Variants in UNC5D observed in about 807,000 individuals in gnomAD.
UNC5D encodes unc-5 netrin receptor D, also known as netrin receptor UNC5D.
A neutral mutation model predicts 105.4 loss-of-function variants in UNC5D; 39 were observed. The observed-to-expected ratio is 0.37, with a 90% CI of 0.29 to 0.48. The LOEUF (loss-of-function observed/expected upper bound fraction) is 0.48, where lower values mean the gene tolerates loss of function less well. UNC5D is among the 20% of genes least tolerant of loss of function. The probability of loss-of-function intolerance (pLI) is 0.98; values close to 1 mark genes in which losing one functional copy is unlikely to be tolerated. For missense variants in UNC5D, 991 were observed against 1,202.4 expected (o/e 0.82, Z 2.60); for synonymous variants, 452 against 450.4 (o/e 1.00, Z -0.04).
At chr8:35,484,520 C>T (rs527372544) in intron 1 of UNC5D, among the ~76,000 whole-genome samples, 1 of 152,242 alleles carries the variant, frequency 6.6e-6, no homozygotes, top group South Asian at 2.1e-4. Context: ...TGAAAGTGAT[C>T]TTCTTAGAAG....
chr8:35,461,293 T>C lies in UNC5D; in HGVS notation c.104-87999T>C, dbSNP rs149671176. Among the ~76,000 whole-genome samples, 515 of 152,326 alleles carry C rather than the reference T, an allele frequency of 3.4e-3. 3 individuals carry two copies. The highest frequency in any genetic ancestry group is 5.9e-3 in the Non-Finnish European group (403 of 68,028). On this transcript the variant is annotated intron_variant, in intron 1 of 16. Coordinates refer to ENST00000404895, the MANE Select transcript of UNC5D (RefSeq NM_080872.4). Reference sequence around the variant, plus strand: ...TTCTGTTGATGAGCTGGGGGCCTTTTTATGCTTGAACTCCCTATCTGGCTT... The same window carrying C: ...TTCTGTTGATGAGCTGGGGGCCTTTCTATGCTTGAACTCCCTATCTGGCTT...
chr8:35,338,421 CAA>C (rs1222591574), intron 1 of UNC5D, among the ~76,000 whole-genome samples: 3 of 151,936 alleles, frequency 2.0e-5, no homozygotes, highest in Non-Finnish European at 4.4e-5. Context: ...GTGTGTAAAA[CAA>C]GAGAAGCCAG....
At chr8:35,496,672 T>G (rs1238064010) in intron 1 of UNC5D, among the ~76,000 whole-genome samples, 1 of 152,200 alleles carries the variant, frequency 6.6e-6, no homozygotes, top group East Asian at 1.9e-4. Context: ...CACTTTTAAG[T>G]GTACAACTCA....
intron 1 of UNC5D, among the ~76,000 whole-genome samples, chr8:35,376,041 A>G (rs1456659702): frequency 6.6e-6 from 1 of 152,098 alleles, no homozygotes; most frequent in Admixed American, 6.5e-5. Flanking sequence ...TACTTGTATT[A>G]TGTGTTTTTT....
chr8:35,278,442 G>A (rs1474687236), intron 1 of UNC5D, among the ~76,000 whole-genome samples: 3 of 152,078 alleles, frequency 2.0e-5, no homozygotes, highest in Non-Finnish European at 4.4e-5. Context: ...AAAAATATAA[G>A]CAGATTATTC....
intron 1 of UNC5D, among the ~76,000 whole-genome samples, chr8:35,256,878 A>G (rs1804109609): frequency 6.6e-6 from 1 of 150,982 alleles, no homozygotes; most frequent in Non-Finnish European, 1.5e-5. Flanking sequence ...TAGCCACTAG[A>G]TACGGTAGGG....
chr8:35,328,051 G>T (rs1384171701), intron 1 of UNC5D, among the ~76,000 whole-genome samples: 1 of 151,966 alleles, frequency 6.6e-6, no homozygotes, highest in Non-Finnish European at 1.5e-5. Context: ...TGTGTTTTTT[G>T]TTTGTTTGTT....
intron 3 of UNC5D, among the ~76,000 whole-genome samples, chr8:35,594,634 T>C (rs897839146): frequency 6.6e-6 from 1 of 152,196 alleles, no homozygotes; most frequent in East Asian, 1.9e-4. Flanking sequence ...TCATGACACC[T>C]CGAGAGAAGT....
chr8:35,323,613 T>C (rs532531805), intron 1 of UNC5D, among the ~76,000 whole-genome samples: 4 of 152,320 alleles, frequency 2.6e-5, no homozygotes, highest in African/African-American at 9.6e-5. Context: ...ATGTCATTTA[T>C]AGTGTGTGAA....
intron 1 of UNC5D, among the ~76,000 whole-genome samples, chr8:35,311,330 A>G (rs2128878619): frequency 6.6e-6 from 1 of 152,214 alleles, no homozygotes; most frequent in Non-Finnish European, 1.5e-5. Context: ...GTTTTTTTTC[A>G]GAGGAGCGAT....
chr8:35,555,875 G>GCACACA (rs56788274), intron 2 of UNC5D, among the ~76,000 whole-genome samples: 48 of 134,228 alleles, frequency 3.6e-4, no homozygotes, highest in Middle Eastern at 3.8e-3. Flanking sequence ...TAAAAAAACA[G>GCACACA]CACACACACA....
chr8:35,593,042 T>G (rs915193840), intron 3 of UNC5D, among the ~76,000 whole-genome samples: 6 of 137,728 alleles, frequency 4.4e-5, no homozygotes, highest in Non-Finnish European at 1.5e-5. Context: ...GTCAGTAGTT[T>G]TTATACACAC....
At chr8:35,263,379 T>C (rs2950903) in intron 1 of UNC5D, among the ~76,000 whole-genome samples, 54,142 of 152,118 alleles carry the variant, frequency 0.36, 10,714 homozygotes, top group Non-Finnish European at 0.43. Context: ...ACATGATACT[T>C]AATAAATTGT....
intron 1 of UNC5D, among the ~76,000 whole-genome samples, chr8:35,487,367 ATCC>A (rs1810889589): frequency 6.6e-6 from 1 of 152,128 alleles, no homozygotes; most frequent in Non-Finnish European, 1.5e-5. Flanking sequence ...AAAGGACCTC[ATCC>A]AATCAGTTGG....
intron 1 of UNC5D, among the ~76,000 whole-genome samples, chr8:35,269,407 A>G (rs2128831699): frequency 6.6e-6 from 1 of 152,196 alleles, no homozygotes; most frequent in South Asian, 2.1e-4. Flanking sequence ...TCATTCTTTG[A>G]GATCCAGTTC....
At chr8:35,581,022 G>T (rs540573577) in intron 3 of UNC5D, among the ~76,000 whole-genome samples, 1 of 152,146 alleles carries the variant, frequency 6.6e-6, no homozygotes, top group Admixed American at 6.6e-5. Context: ...AGTGACTCCT[G>T]ATACCGGCCA....
At chr8:35,667,966 A>G (rs7016475) in intron 4 of UNC5D, among the ~76,000 whole-genome samples, 27,293 of 152,118 alleles carry the variant, frequency 0.18, 5,553 homozygotes, top group African/African-American at 0.5. Flanking sequence ...TACTGGAGTC[A>G]GTGGAATTTT....
intron 1 of UNC5D, among the ~76,000 whole-genome samples, chr8:35,490,053 G>A (rs1027252455): frequency 6.6e-6 from 1 of 152,166 alleles, no homozygotes; most frequent in Non-Finnish European, 1.5e-5. Context: ...CAGAGGAAAG[G>A]ATACATTATG....
chr8:35,274,103 T>C (rs1326602622), intron 1 of UNC5D, among the ~76,000 whole-genome samples: 2 of 152,096 alleles, frequency 1.3e-5, no homozygotes, highest in Non-Finnish European at 2.9e-5. Flanking sequence ...TTTAAGAATC[T>C]CAAATCTTGT....
Sources: gnomAD v4.1 joint callset for allele counts (sites outside exome capture counted in the v4.1 genomes callset) on GRCh38, gnomAD v4.1.1 for gene constraint, MANE v1.5 for transcripts, NCBI Gene and HGNC (gene_info 2026-07-23, HGNC 2026-07-21) for gene names.